Variants in ASIC2 observed in about 807,000 individuals in gnomAD.
ASIC2 encodes acid sensing ion channel subunit 2.
ASIC2 carries 25 observed loss-of-function variants against 57.3 expected under a neutral mutation model. The observed-to-expected ratio is 0.44, with a 90% CI of 0.32 to 0.61. The LOEUF is 0.61. Among genes scored for constraint, ASIC2 ranks in the 20% least tolerant of loss-of-function variants. ASIC2 has a pLI of 0.06. For synonymous variants in ASIC2, 319 were observed against 307.5 expected (o/e 1.04, Z -0.39); for missense variants, 641 against 738.1 (o/e 0.87, Z 1.52).
In ASIC2 at chr17:33,544,211, C is replaced by A. The variant is rs115765889; in HGVS notation, c.556-432144G>T. On this transcript the variant is annotated intron_variant, in intron 1 of 9. Transcript: ENST00000359872. ...TCATCCATGTGGTCGCCTGTGTCAC[C>A]AGTCTGTTCCTTTTCAGTGCTGAGT... Among the ~76,000 whole-genome samples, 398 of 152,266 alleles carry A rather than the reference C, an allele frequency of 2.6e-3. 2 individuals carry two copies. Among genetic ancestry groups the A allele is most frequent in the African/African-American group, 9.2e-3 (382 of 41,564 alleles).
At chr17:33,736,013 A>G (rs1463756830) in intron 1 of ASIC2, among the ~76,000 whole-genome samples, 1 of 152,104 alleles carries the variant, frequency 6.6e-6, no homozygotes, top group Non-Finnish European at 1.5e-5. Flanking sequence ...CTGCTTGTTC[A>G]GTGACTTCAC....
chr17:33,435,544 T>C (rs1223114109), intron 1 of ASIC2, among the ~76,000 whole-genome samples: 5 of 152,218 alleles, frequency 3.3e-5, no homozygotes, highest in African/African-American at 1.2e-4. Flanking sequence ...ACTGCCGCCA[T>C]ACAAATATAT....
intron 1 of ASIC2, among the ~76,000 whole-genome samples, chr17:33,264,798 A>T (rs1396827114): frequency 6.6e-6 from 1 of 152,226 alleles, no homozygotes; most frequent in African/African-American, 2.4e-5. Context: ...AATCTGGTTC[A>T]TCCTGGCTTT....
intron 1 of ASIC2, among the ~76,000 whole-genome samples, chr17:33,949,394 T>C (rs73274594): frequency 0.015 from 2,348 of 152,236 alleles, 76 homozygotes; most frequent in African/African-American, 0.054. Context: ...CCAACTCAAA[T>C]CTGCATAGCC....
intron 1 of ASIC2, among the ~76,000 whole-genome samples, chr17:33,459,528 G>T (rs895246508): frequency 1.3e-5 from 2 of 152,218 alleles, no homozygotes; most frequent in African/African-American, 4.8e-5. Context: ...ATAACGAGAG[G>T]CTCATTGCTG....
At chr17:34,058,302 T>C (rs377322759) in intron 1 of ASIC2, among the ~76,000 whole-genome samples, 1 of 152,212 alleles carries the variant, frequency 6.6e-6, no homozygotes, top group African/African-American at 2.4e-5. Flanking sequence ...CCTTGCTGCA[T>C]GTGCCACCTC....
intron 3 of ASIC2, among the ~76,000 whole-genome samples, chr17:33,041,717 CAGAAT>C (rs1303498223): frequency 6.6e-6 from 1 of 152,232 alleles, no homozygotes; most frequent in Non-Finnish European, 1.5e-5. Context: ...CAGGCAGGAG[CAGAAT>C]GTCCATGCTG....
At chr17:33,207,232 C>G (rs1907097293) in intron 1 of ASIC2, among the ~76,000 whole-genome samples, 2 of 152,188 alleles carry the variant, frequency 1.3e-5, no homozygotes, top group South Asian at 4.1e-4. Flanking sequence ...GGCGCTTTAT[C>G]CTAGCGCTTT....
intron 1 of ASIC2, among the ~76,000 whole-genome samples, chr17:33,373,518 C>T (rs1311152930): frequency 6.6e-6 from 1 of 152,198 alleles, no homozygotes; most frequent in Non-Finnish European, 1.5e-5. Context: ...TGAGGGACCA[C>T]AAGATTAGGA....
intron 1 of ASIC2, among the ~76,000 whole-genome samples, chr17:34,100,678 G>A (rs1598026568): frequency 6.6e-6 from 1 of 152,264 alleles, no homozygotes; most frequent in East Asian, 1.9e-4. Context: ...AGGGCTCCCA[G>A]GAACCAAGAC....
intron 1 of ASIC2, among the ~76,000 whole-genome samples, chr17:33,841,685 C>T (rs995892277): frequency 1.3e-5 from 2 of 152,158 alleles, no homozygotes; most frequent in Non-Finnish European, 2.9e-5. Context: ...GGACAGAAGC[C>T]CCCAAGAGAG....
At position 33,738,920 on chromosome 17, in the gene ASIC2, C is replaced by G. The variant is rs528339326; in HGVS notation, c.555+417058G>C. On this transcript the variant is annotated intron_variant, in intron 1 of 9. Coordinates refer to the ASIC2 transcript ENST00000359872. ...GCTCCCACCCTAGGAAGCTTTGACC[C>G]AGTCTTGGAATGTTACTAAAGTTTC... Among the ~76,000 whole-genome samples, 3 of 152,288 alleles carry G rather than the reference C, an allele frequency of 2.0e-5. No individual in the cohort carries two copies. In the East Asian group the frequency reaches 5.8e-4, roughly 29 times the overall value.
At chr17:34,016,423 CAAAAAAAAAAAA>C (rs398041640) in intron 1 of ASIC2, among the ~76,000 whole-genome samples, 641 of 41,478 alleles carry the variant, frequency 0.015, 8 homozygotes, top group South Asian at 0.062. Context: ...GACTCCGTCT[CAAAAAAAAAAAA>C]AAAAAAAAAA....
In ASIC2 at chr17:33,992,867, T is replaced by G. The variant is rs117771751; in HGVS notation, c.555+163111A>C. On this transcript the variant is annotated intron_variant, in intron 1 of 9. Coordinates refer to the ASIC2 transcript ENST00000359872. ...GACCAGAGTCAGCAAACCTGGGTAC[T>G]GACGGGTTTCAAGCAGGCTGAATGC... 5.1e-4 allele frequency among the ~76,000 whole-genome samples: 78 copies of G among 152,326 alleles called. No individual in the cohort carries two copies. In the East Asian group the frequency reaches 0.015, roughly 29 times the overall value.
intron 1 of ASIC2, chr17:34,003,414 C>G (rs1325267286): frequency 3.3e-5 from 5 of 152,108 alleles, no homozygotes; most frequent in African/African-American, 1.2e-4. Context: ...TCCCCCTTCA[C>G]CTCCCCAACC....
rs138679253 is a variant in ASIC2, at chr17:33,437,245, C to T, written c.556-325178G>A. On this transcript the variant is annotated intron_variant, in intron 1 of 9. Transcript: ENST00000359872. ...CACTGCAACCTTGAACTCTTAGGCT[C>T]AAGCAATCCTCCTGCCTCAGCCTCC... 7.9e-3 allele frequency among the ~76,000 whole-genome samples: 1,195 copies of T among 152,224 alleles called. 18 individuals are homozygous for T. Among genetic ancestry groups the T allele is most frequent in the African/African-American group, 0.028 (1,142 of 41,514 alleles).
At chr17:33,502,688 C>T (rs1914137828) in intron 1 of ASIC2, among the ~76,000 whole-genome samples, 1 of 152,206 alleles carries the variant, frequency 6.6e-6, no homozygotes, top group Admixed American at 6.5e-5. Context: ...CACCAAACAG[C>T]TCTATTTTCC....
intron 1 of ASIC2, among the ~76,000 whole-genome samples, chr17:33,524,026 T>C (rs975647226): frequency 4.0e-5 from 6 of 151,400 alleles, no homozygotes; most frequent in Admixed American, 2.0e-4. Context: ...GCCTCAACCT[T>C]CTCCAGCTCC....
intron 1 of ASIC2, among the ~76,000 whole-genome samples, chr17:34,044,480 A>G (rs995201101): frequency 6.6e-5 from 10 of 152,288 alleles, no homozygotes; most frequent in African/African-American, 2.4e-4. Context: ...TGGGGGAAGA[A>G]GCCCATTTTG....
Sources: gnomAD v4.1 joint callset for allele counts (sites outside exome capture counted in the v4.1 genomes callset) on GRCh38, gnomAD v4.1.1 for gene constraint, MANE v1.5 for transcripts, NCBI Gene and HGNC (gene_info 2026-07-23, HGNC 2026-07-21) for gene names.